The following HS6ST3 variants were observed in gnomAD, a reference collection of about 807,000 sequenced individuals.
HS6ST3 encodes heparan-sulfate 6-O-sulfotransferase 3.
Under a neutral mutation model 36.7 loss-of-function variants are expected in HS6ST3, and 12 were observed. That is an observed-to-expected ratio of 0.33 (90% confidence interval 0.21 to 0.53). The LOEUF (loss-of-function observed/expected upper bound fraction) is 0.53. Among genes scored for constraint, HS6ST3 ranks in the 20% least tolerant of loss-of-function variants. The pLI is 0.95. For synonymous variants in HS6ST3, 240 were observed against 257.5 expected, an observed-to-expected ratio of 0.93 and a Z score of 0.65; for missense variants, 584 against 640.9, an observed-to-expected ratio of 0.91 and a Z score of 0.96.
chr13:96,586,037 A>C (rs2056359812), intron 1 of HS6ST3, among the ~76,000 whole-genome samples: 1 of 152,120 alleles, frequency 6.6e-6, no homozygotes, highest in African/African-American at 2.4e-5. Context: ...AAAGTATATA[A>C]GGGTTTATTT....
chr13:96,333,442 C>T (rs2055082863), intron 1 of HS6ST3, among the ~76,000 whole-genome samples: 1 of 152,110 alleles, frequency 6.6e-6, no homozygotes, highest in Non-Finnish European at 1.5e-5. Context: ...AGGTGCAAGA[C>T]CAAGGAAAGG....
At chr13:96,456,519 T>G (rs1176218510) in intron 1 of HS6ST3, among the ~76,000 whole-genome samples, 1 of 152,184 alleles carries the variant, frequency 6.6e-6, no homozygotes, top group Admixed American at 6.5e-5. Context: ...TTAATCTTAT[T>G]TATACATTCT....
intron 1 of HS6ST3, among the ~76,000 whole-genome samples, chr13:96,096,352 T>G (rs771649452): frequency 1.2e-4 from 18 of 152,194 alleles, no homozygotes; most frequent in Non-Finnish European, 2.2e-4. Flanking sequence ...TGATGCTCAC[T>G]CTCAGTAAAA....
intron 1 of HS6ST3, among the ~76,000 whole-genome samples, chr13:96,644,630 T>G (rs759540235): frequency 6.6e-6 from 1 of 151,968 alleles, no homozygotes; most frequent in Non-Finnish European, 1.5e-5. Context: ...TGATTAACAT[T>G]CTTGGCAGAA....
rs936353600 is a variant in HS6ST3 at position 96,837,064 on chromosome 13, G to T, written c.*3866G>T. 6.6e-6 allele frequency: 1 copy of T among 152,190 alleles called. No homozygotes were observed. The highest frequency in any genetic ancestry group is 1.5e-5 in the Non-Finnish European group (1 of 68,028). The allele number at this position is 152,190 out of a possible 1,614,324, so 9.4% of individuals were successfully genotyped here. On this transcript the variant is annotated 3_prime_UTR_variant, in exon 2 of 2. Transcript: ENST00000376705. ...TTTGCCACATCTAGCTGCAAAGAAG[G>T]CTAGGGAATGTCTTTATTATTGATT...
intron 1 of HS6ST3, among the ~76,000 whole-genome samples, chr13:96,429,627 A>G (rs2055604689): frequency 6.6e-6 from 1 of 152,172 alleles, no homozygotes; most frequent in South Asian, 2.1e-4. Flanking sequence ...GCTGGTGTAT[A>G]TGTGGTGTTA....
At chr13:96,408,237 C>A (rs7981815) in intron 1 of HS6ST3, among the ~76,000 whole-genome samples, 73,154 of 151,862 alleles carry the variant, frequency 0.48, 18,012 homozygotes, top group Middle Eastern at 0.59. Context: ...CATGCCTAGC[C>A]TGCATTATTT....
At position 96,658,268 on chromosome 13, in the gene HS6ST3, C is replaced by CTTCTTTTTTTTTTTTTTTTTTTTTTTTTT. The variant is rs1566422902; in HGVS notation, c.708-174220_708-174219insCTTTTTTTTTTTTTTTTTTTTTTTTTTTT. 4.3e-4 allele frequency among the ~76,000 whole-genome samples: 33 copies of CTTCTTTTTTTTTTTTTTTTTTTTTTTTTT among 76,164 alleles called. 3 individuals carry two copies. Among genetic ancestry groups the CTTCTTTTTTTTTTTTTTTTTTTTTTTTTT allele is most frequent in the Middle Eastern group, 6.9e-3 (1 of 144 alleles). The allele number at this position is 76,164 out of a possible 152,430, so 50.0% of individuals were successfully genotyped here. A position where few individuals can be genotyped will look rare whatever the true frequency, so the allele number is the denominator to read the frequency against. ...TTCTTCTTCTTCTTCTCTTCTTCTT[C>CTTCTTTTTTTTTTTTTTTTTTTTTTTTTT]TTTTTTTTTTTTTTTTTTTTTTTTT... On this transcript the variant is annotated intron_variant, in intron 1 of 1. Coordinates refer to ENST00000376705, the MANE Select transcript of HS6ST3 (RefSeq NM_153456.4).
chr13:96,494,449 GAGTTA>G (rs892013864), intron 1 of HS6ST3, among the ~76,000 whole-genome samples: 5 of 151,108 alleles, frequency 3.3e-5, no homozygotes, highest in African/African-American at 1.2e-4. Flanking sequence ...ATTAAATGAC[GAGTTA>G]ATGGGTGCAG....
intron 1 of HS6ST3, among the ~76,000 whole-genome samples, chr13:96,158,467 A>AT (rs1467408455): frequency 5.3e-5 from 8 of 151,966 alleles, no homozygotes; most frequent in Non-Finnish European, 1.2e-4. Flanking sequence ...CCTCGCCAAC[A>AT]TGGTGAAACC....
At chr13:96,578,506 T>C (rs1454984028) in intron 1 of HS6ST3, among the ~76,000 whole-genome samples, 1 of 152,186 alleles carries the variant, frequency 6.6e-6, no homozygotes, top group African/African-American at 2.4e-5. Context: ...GTTTCCTTTG[T>C]CCTTGGGCTG....
chr13:96,682,317 A>G (rs769798246), intron 1 of HS6ST3, among the ~76,000 whole-genome samples: 9 of 152,028 alleles, frequency 5.9e-5, no homozygotes, highest in Admixed American at 2.0e-4. Flanking sequence ...ATCTCCATAT[A>G]TTTTCTTTTC....
intron 1 of HS6ST3, among the ~76,000 whole-genome samples, chr13:96,258,302 G>C (rs866727561): frequency 3.3e-5 from 5 of 152,186 alleles, no homozygotes; most frequent in South Asian, 2.1e-4. Context: ...TCTACAGGAT[G>C]ATCTGAGCAA....
At chr13:96,257,334 TTCAAAG>T (rs1406685522) in intron 1 of HS6ST3, among the ~76,000 whole-genome samples, 19 of 152,328 alleles carry the variant, frequency 1.2e-4, no homozygotes, top group Non-Finnish European at 2.5e-4. Flanking sequence ...AGCTCTGTGA[TTCAAAG>T]TCAAAGATTA....
At chr13:96,407,490 G>A (rs1039630679) in intron 1 of HS6ST3, among the ~76,000 whole-genome samples, 17 of 152,202 alleles carry the variant, frequency 1.1e-4, no homozygotes, top group Admixed American at 1.1e-3. Flanking sequence ...CATGCGATAT[G>A]CCTAATATTG....
At chr13:96,322,021 G>A (rs955485891) in intron 1 of HS6ST3, among the ~76,000 whole-genome samples, 1 of 151,750 alleles carries the variant, frequency 6.6e-6, no homozygotes, top group African/African-American at 2.4e-5. Context: ...GAACTCATCA[G>A]AGCAGAACTT....
At chr13:96,760,476 G>C (rs1006982186) in intron 1 of HS6ST3, among the ~76,000 whole-genome samples, 1 of 141,720 alleles carries the variant, frequency 7.1e-6, no homozygotes, top group African/African-American at 2.5e-5. Context: ...TAACATTTAC[G>C]TTGTTCTGTA....
At chr13:96,110,201 C>A (rs1240743412) in intron 1 of HS6ST3, among the ~76,000 whole-genome samples, 1 of 151,970 alleles carries the variant, frequency 6.6e-6, no homozygotes, top group Admixed American at 6.6e-5. Flanking sequence ...TGGAAGAAGG[C>A]AAAGGAGGAG....
chr13:96,822,365 C>T (rs1026336070), intron 1 of HS6ST3, among the ~76,000 whole-genome samples: 15 of 152,294 alleles, frequency 9.8e-5, no homozygotes, highest in South Asian at 2.1e-4. Context: ...GAGAGCAGGA[C>T]CCTCCCTGGC....
Sources: gnomAD v4.1 joint callset for allele counts (sites outside exome capture counted in the v4.1 genomes callset) on GRCh38, gnomAD v4.1.1 for gene constraint, MANE v1.5 for transcripts, NCBI Gene and HGNC (gene_info 2026-07-23, HGNC 2026-07-21) for gene names.